GABRB2: variants seen among roughly 807,000 people sequenced by gnomAD.
GABRB2 encodes gamma-aminobutyric acid receptor subunit beta-2.
GABRB2 carries 16 observed loss-of-function variants against 54.7 expected under a neutral mutation model. The ratio of observed to expected loss-of-function variants is 0.29; its 90% CI spans 0.20 to 0.44. GABRB2 has a LOEUF of 0.44. Among genes scored for constraint, GABRB2 ranks in the 20% least tolerant of loss-of-function variants. The pLI is 1.00. For synonymous variants in GABRB2, 244 were observed against 233.8 expected (o/e 1.04, Z -0.40); for missense variants, 355 against 644.0 (o/e 0.55, Z 4.86).
intron 3 of GABRB2, among the ~76,000 whole-genome samples, chr5:161,538,032 C>T (rs1045051966): frequency 1.3e-5 from 2 of 152,028 alleles, no homozygotes; most frequent in East Asian, 1.9e-4. Context: ...CCACTATGCC[C>T]TGTGTATATC....
chr5:161,463,301 T>G (rs561325760), intron 3 of GABRB2, among the ~76,000 whole-genome samples: 1 of 135,730 alleles, frequency 7.4e-6, no homozygotes. Flanking sequence ...TAAAGTAGCA[T>G]GCATGTACAC....
At chr5:161,444,311 A>T (rs1281603595) in intron 4 of GABRB2, among the ~76,000 whole-genome samples, 3 of 152,182 alleles carry the variant, frequency 2.0e-5, no homozygotes, top group African/African-American at 7.2e-5. Flanking sequence ...TTAGTCATAT[A>T]ACATTTGATT....
chr5:161,417,958 G>A (rs2113136062), intron 4 of GABRB2, among the ~76,000 whole-genome samples: 1 of 152,294 alleles, frequency 6.6e-6, no homozygotes, highest in South Asian at 2.1e-4. Context: ...AAGTAAGATT[G>A]CTAGCAATCA....
chr5:161,324,412 T>C (rs1350288441), intron 9 of GABRB2, among the ~76,000 whole-genome samples: 1 of 152,148 alleles, frequency 6.6e-6, no homozygotes, highest in African/African-American at 2.4e-5. Flanking sequence ...ATTACAACTA[T>C]TATTTGAATG....
At chr5:161,438,138 G>T (rs1028856848) in intron 4 of GABRB2, among the ~76,000 whole-genome samples, 1 of 152,226 alleles carries the variant, frequency 6.6e-6, no homozygotes, top group Non-Finnish European at 1.5e-5. Flanking sequence ...CACAGTCATA[G>T]TGGTGGTGGC....
At chr5:161,383,585 C>T (rs916713589) in intron 5 of GABRB2, among the ~76,000 whole-genome samples, 35 of 152,132 alleles carry the variant, frequency 2.3e-4, no homozygotes, top group Non-Finnish European at 7.3e-5. Flanking sequence ...TCCTTGACTG[C>T]ACTAGCCATA....
chr5:161,522,050 G>C (rs1451833927), intron 3 of GABRB2, among the ~76,000 whole-genome samples: 1 of 151,818 alleles, frequency 6.6e-6, no homozygotes, highest in African/African-American at 2.4e-5. Context: ...AAGTTATAAA[G>C]TTAGTAGGAC....
chr5:161,315,475 T>G (rs1244240302), intron 9 of GABRB2, among the ~76,000 whole-genome samples: 2 of 152,170 alleles, frequency 1.3e-5, no homozygotes, highest in Non-Finnish European at 2.9e-5. Context: ...AAAATGGGGA[T>G]TATATCTACC....
At chr5:161,477,284 C>CAAAAAAAAAAAAAAAAAAAA (rs70990786) in intron 3 of GABRB2, among the ~76,000 whole-genome samples, 2 of 127,850 alleles carry the variant, frequency 1.6e-5, no homozygotes, top group African/African-American at 2.9e-5. Context: ...CAAACAAAAG[C>CAAAAAAAAAAAAAAAAAAAA]AAAAAAAAAA....
chr5:161,482,453 C>T (rs1208484157), intron 3 of GABRB2, among the ~76,000 whole-genome samples: 1 of 152,068 alleles, frequency 6.6e-6, no homozygotes, highest in Admixed American at 6.6e-5. Context: ...AATATTGTCT[C>T]AGAGACTGCC....
chr5:161,412,356 C>T (rs1218759937), intron 4 of GABRB2, among the ~76,000 whole-genome samples: 2 of 152,006 alleles, frequency 1.3e-5, no homozygotes, highest in African/African-American at 4.8e-5. Flanking sequence ...TGTCCCAATT[C>T]CTTCATTTCT....
chr5:161,440,327 A>G (rs566567147), intron 4 of GABRB2, among the ~76,000 whole-genome samples: 1 of 152,130 alleles, frequency 6.6e-6, no homozygotes, highest in South Asian at 2.1e-4. Flanking sequence ...AGACTCATTG[A>G]TCTGTTGCCT....
intron 4 of GABRB2, among the ~76,000 whole-genome samples, chr5:161,432,040 A>G (rs1304266770): frequency 6.6e-6 from 1 of 152,210 alleles, no homozygotes; most frequent in Non-Finnish European, 1.5e-5. Context: ...AAATTACTGG[A>G]CCACAGGGTG....
At chr5:161,417,700 A>C (rs1756720044) in intron 4 of GABRB2, among the ~76,000 whole-genome samples, 2 of 152,104 alleles carry the variant, frequency 1.3e-5, no homozygotes, top group African/African-American at 4.8e-5. Context: ...GTTTTAGTCA[A>C]TTATGTAGAT....
At chr5:161,365,629 T>C (rs10071312) in intron 5 of GABRB2, among the ~76,000 whole-genome samples, 13,008 of 152,164 alleles carry the variant, frequency 0.085, 614 homozygotes, top group Middle Eastern at 0.088. Flanking sequence ...AAAAACATAA[T>C]TGTTATGTAG....
At chr5:161,546,954 G>A (rs1014315656), upstream of GABRB2, 1 of 305,708 alleles carries the variant, frequency 3.3e-6, no homozygotes, top group Non-Finnish European at 5.8e-6. Context: ...TAACTACAGC[G>A]TCTGGTAAGT....
At chr5:161,414,587 C>A (rs1184080521) in intron 4 of GABRB2, among the ~76,000 whole-genome samples, 1 of 152,070 alleles carries the variant, frequency 6.6e-6, no homozygotes, top group Non-Finnish European at 1.5e-5. Context: ...ACATGGAATT[C>A]TATGCAACAA....
chr5:161,351,282 T>C (rs1444511588), intron 5 of GABRB2, among the ~76,000 whole-genome samples: 1 of 152,140 alleles, frequency 6.6e-6, no homozygotes, highest in Non-Finnish European at 1.5e-5. Flanking sequence ...GGCATTATAC[T>C]ACCTGACTTC....
intron 3 of GABRB2, among the ~76,000 whole-genome samples, chr5:161,460,320 A>G (rs1758085033): frequency 6.6e-6 from 1 of 152,158 alleles, no homozygotes; most frequent in South Asian, 2.1e-4. Flanking sequence ...CCACAAATAC[A>G]AACATATACT....
Sources: allele counts gnomAD v4.1 joint callset (sites outside exome capture counted in the v4.1 genomes callset), GRCh38; gene constraint gnomAD v4.1.1; transcripts MANE v1.5; gene names NCBI Gene and HGNC (gene_info 2026-07-23, HGNC 2026-07-21).